The following CEP350 variants were observed in gnomAD, a reference collection of about 807,000 sequenced individuals.
The protein encoded by CEP350 is centrosomal protein 350, also known as centrosome-associated protein 350.
In CEP350, 126 loss-of-function variants were observed where a neutral mutation model predicts 331.8. The ratio of observed to expected loss-of-function variants is 0.38; its 90% CI spans 0.33 to 0.44. CEP350 has a LOEUF of 0.44. Ranked by LOEUF, CEP350 falls within the 20% of genes least tolerant of loss-of-function variation. The probability of loss-of-function intolerance (pLI) is 1.00; values close to 1 mark genes in which losing one functional copy is unlikely to be tolerated. For missense variants in CEP350, 3,406 were observed against 3,634.6 expected (o/e 0.94, Z 1.62); for synonymous variants, 1,200 against 1,259.5 (o/e 0.95, Z 1.00).
intron 19 of CEP350, among the ~76,000 whole-genome samples, chr1:180,042,484 T>G (rs1656833639): frequency 6.6e-6 from 1 of 152,252 alleles, no homozygotes; most frequent in Non-Finnish European, 1.5e-5. Flanking sequence ...AATCCATGAA[T>G]GTACTATATG....
intron 27 of CEP350, among the ~76,000 whole-genome samples, chr1:180,072,002 C>T (rs1658923484): frequency 1.3e-5 from 2 of 152,194 alleles, no homozygotes; most frequent in Admixed American, 1.3e-4. Flanking sequence ...TTATTTCTTT[C>T]CTGTGTAGCA....
intron 9 of CEP350, 42 bp downstream of exon 9, chr1:180,012,117 A>G (rs1341363385): frequency 6.7e-7 from 1 of 1,494,414 alleles, no homozygotes; most frequent in Non-Finnish European, 9.0e-7. Context: ...ACAATTAAAA[A>G]TTGCTATTAA....
chr1:180,011,849 A>G (rs1378844115), intron 8 of CEP350, 80 bp from the exon 9 acceptor site: 4 of 934,830 alleles, frequency 4.3e-6, no homozygotes, highest in Non-Finnish European at 6.3e-6. Flanking sequence ...AAGATTAATA[A>G]TAAAACCTGT....
chr1:180,078,057 C>G (rs531040155), intron 28 of CEP350, among the ~76,000 whole-genome samples: 1 of 151,836 alleles, frequency 6.6e-6, no homozygotes, highest in African/African-American at 2.4e-5. Flanking sequence ...CACTTGATCC[C>G]GGGAAGCGAA....
chr1:180,012,148 T>TA, intron 9 of CEP350, 73 bp downstream of exon 9: 1 of 1,323,308 alleles, frequency 7.6e-7, no homozygotes, highest in Non-Finnish European at 1.0e-6. Context: ...AAGGAAAAAG[T>TA]ACTCTTAAGA....
At chr1:180,016,065 A>C in intron 11 of CEP350, 95 bp downstream of exon 11, 1 of 1,378,132 alleles carries the variant, frequency 7.3e-7, no homozygotes, top group South Asian at 1.3e-5. Flanking sequence ...TTTGTGAACA[A>C]GAGGGCAGAG....
At chr1:180,083,785 A>C (rs2149095101) in intron 30 of CEP350, among the ~76,000 whole-genome samples, 1 of 152,302 alleles carries the variant, frequency 6.6e-6, no homozygotes, top group African/African-American at 2.4e-5. Flanking sequence ...TTAGAAAGTG[A>C]AAATAAATAG....
chr1:180,014,509 ATAG>A lies in CEP350; in HGVS notation c.2052+9_2052+11del. 1 of 1,593,338 alleles carries A rather than the reference ATAG, an allele frequency of 6.3e-7. No homozygotes were observed. The highest frequency in any genetic ancestry group is 8.5e-7 in the Non-Finnish European group (1 of 1,172,280). On this transcript the variant is annotated splice_donor_5th_base_variant and intron_variant, in intron 10 of 37. Transcript: ENST00000367607. Reference sequence around the variant, plus strand: ...ACATGTTACGCAGGAAACACAGGTAATAGTAGTGACATATACAAAGGAGAGTCA... The same window carrying A: ...ACATGTTACGCAGGAAACACAGGTAATAGTGACATATACAAAGGAGAGTCA...
chr1:180,107,419 A>T (rs928076902), intron 37 of CEP350, among the ~76,000 whole-genome samples: 6 of 152,242 alleles, frequency 3.9e-5, no homozygotes, highest in Admixed American at 3.3e-4. Context: ...ACCTAATCCT[A>T]GCACTTTGGG....
intron 30 of CEP350, among the ~76,000 whole-genome samples, chr1:180,081,679 C>T (rs935360025): frequency 6.6e-6 from 1 of 152,102 alleles, no homozygotes; most frequent in African/African-American, 2.4e-5. Flanking sequence ...GGCTGTAATA[C>T]CTGTACAGTA....
rs763257368 is a variant in CEP350 at position 179,998,303 on chromosome 1, C to CTTT, written c.1018+1149_1018+1151dup. Among the ~76,000 whole-genome samples, 47 of 112,042 alleles carry CTTT rather than the reference C, an allele frequency of 4.2e-4. 1 individual carries two copies. Among genetic ancestry groups the CTTT allele is most frequent in the African/African-American group, 1.3e-3 (36 of 28,214 alleles). 73.5% of individuals were successfully genotyped at this position (112,042 alleles called of 152,430 possible). A position where few individuals can be genotyped will look rare whatever the true frequency, so the allele number is the denominator to read the frequency against. ...TATAATAATTTGTTTCTTCTATTTT[C>CTTT]TTTTTTTTTTTTTTTTTTTTTTTAA... On this transcript the variant is annotated intron_variant, in intron 6 of 37. Transcript: ENST00000367607.
intron 33 of CEP350, 41 bp from the exon 34 acceptor site, chr1:180,092,573 G>C (rs773995722): frequency 7.9e-6 from 11 of 1,398,696 alleles, no homozygotes; most frequent in Non-Finnish European, 1.0e-5. Flanking sequence ...GAAAGATAGT[G>C]ATTAAATAAT....
chr1:179,961,992 C>T (rs558720421), intron 1 of CEP350, among the ~76,000 whole-genome samples: 8 of 151,868 alleles, frequency 5.3e-5, no homozygotes, highest in South Asian at 2.1e-4. Flanking sequence ...ACTACAGGTA[C>T]GAGCCACCAT....
Position 180,093,612 on chromosome 1 carries a change from G to T in CEP350, c.7507G>T (p.Val2503Leu). ...ELFDFHIGDR[V>L]LIGNVQPGIL... is the part of the protein sequence containing the mutation. ...ATTTGATTTCCACATTGGTGATAGGGTGTTGATTGGAAATGTTCAGCCAGG... is the reference window on the plus strand; with the variant it reads ...ATTTGATTTCCACATTGGTGATAGGTTGTTGATTGGAAATGTTCAGCCAGG... The change falls in exon 34 of 38, where the codon GTG (valine) becomes TTG (leucine). Residue 2503 changes from valine (V) to leucine (L), a missense_variant. Coordinates refer to ENST00000367607, the MANE Select transcript of CEP350 (RefSeq NM_014810.5). 6.2e-7 allele frequency: 1 copy of T among 1,613,990 alleles called. No individual in the cohort carries two copies. The highest frequency in any genetic ancestry group is 1.1e-5 in the South Asian group (1 of 91,076).
chr1:180,016,599 T>C (rs1654989033), intron 11 of CEP350, among the ~76,000 whole-genome samples: 1 of 152,112 alleles, frequency 6.6e-6, no homozygotes, highest in Non-Finnish European at 1.5e-5. Context: ...AAGGGAAAGA[T>C]TTTGAAACTC....
At chr1:180,083,230 T>C (rs961219007) in intron 30 of CEP350, among the ~76,000 whole-genome samples, 6 of 152,210 alleles carry the variant, frequency 3.9e-5, no homozygotes, top group African/African-American at 1.4e-4. Context: ...ATTGTGTGAT[T>C]GAGGGAGGTG....
intron 22 of CEP350, among the ~76,000 whole-genome samples, chr1:180,049,086 A>C (rs533939236): frequency 6.6e-6 from 1 of 152,186 alleles, no homozygotes; most frequent in Non-Finnish European, 1.5e-5. Context: ...ATAAGTAAAT[A>C]AAGTGGCAAA....
At chr1:180,082,048 A>T (rs917989452) in intron 30 of CEP350, among the ~76,000 whole-genome samples, 1 of 152,350 alleles carries the variant, frequency 6.6e-6, no homozygotes, top group South Asian at 2.1e-4. Context: ...ATGGGTTCTT[A>T]TCCTGGATCT....
intron 6 of CEP350, chr1:180,000,713 C>A: frequency 6.2e-6 from 1 of 160,578 alleles, no homozygotes; most frequent in Non-Finnish European, 1.4e-5. Flanking sequence ...GTACTGTTCC[C>A]TTTCCAGGGT....
Sources: allele counts gnomAD v4.1 joint callset (sites outside exome capture counted in the v4.1 genomes callset), GRCh38; gene constraint gnomAD v4.1.1; transcripts MANE v1.5; gene names NCBI Gene and HGNC (gene_info 2026-07-23, HGNC 2026-07-21).